DMXL1: variants seen among roughly 807,000 people sequenced by gnomAD.
DMXL1 encodes the protein dmX-like protein 1.
DMXL1 carries 99 observed loss-of-function variants against 319.2 expected under a neutral mutation model. The ratio of observed to expected loss-of-function variants is 0.31; its 90% confidence interval spans 0.26 to 0.37. The LOEUF (loss-of-function observed/expected upper bound fraction) is 0.37, where lower values mean the gene tolerates loss of function less well. DMXL1 is among the 10% of genes least tolerant of loss of function. The pLI, the probability that DMXL1 is intolerant of heterozygous loss-of-function variation, is 1.00. For missense variants in DMXL1, 3,745 were observed against 3,595.6 expected (o/e 1.04, Z -1.06); for synonymous variants, 1,385 against 1,235.2 (o/e 1.12, Z -2.54).
At chr5:119,202,887 A>ATATATATATATTTATATATATATATATT (rs1157206918) in intron 32 of DMXL1, among the ~76,000 whole-genome samples, 1 of 111,634 alleles carries the variant, frequency 9.0e-6, no homozygotes, top group African/African-American at 3.5e-5. Context: ...ATATATTTTT[A>ATATATATATATTTATATATATATATATT]TATATATATA....
At chr5:119,074,622 A>G (rs1750400024) in intron 1 of DMXL1, among the ~76,000 whole-genome samples, 1 of 152,242 alleles carries the variant, frequency 6.6e-6, no homozygotes, top group Admixed American at 6.5e-5. Context: ...TAAGTATTAG[A>G]TACTTTTTTA....
intron 42 of DMXL1, among the ~76,000 whole-genome samples, chr5:119,241,620 A>G (rs957942275): frequency 1.3e-5 from 2 of 152,028 alleles, no homozygotes; most frequent in Admixed American, 1.3e-4. Context: ...GTGCATATCA[A>G]GCAATTCAAC....
At chr5:119,220,379 G>T (rs1784450226) in intron 35 of DMXL1, 93 bp from the exon 36 acceptor site, 4 of 1,133,810 alleles carry the variant, frequency 3.5e-6, no homozygotes, top group Non-Finnish European at 5.1e-6. Context: ...ATCACTGCTA[G>T]AGGTTATTTC....
At chr5:119,218,617 C>G (rs1336873886) in intron 35 of DMXL1, among the ~76,000 whole-genome samples, 2 of 151,980 alleles carry the variant, frequency 1.3e-5, no homozygotes, top group Non-Finnish European at 2.9e-5. Context: ...CCACTACACC[C>G]AGCTAATTTT....
chr5:119,130,691 G>A (rs986437670), intron 10 of DMXL1, among the ~76,000 whole-genome samples: 1 of 152,048 alleles, frequency 6.6e-6, no homozygotes, highest in East Asian at 1.9e-4. Context: ...TCATATCATT[G>A]TATTTAACGG....
chr5:119,150,077 A>G lies in DMXL1; in HGVS notation c.4250A>G (p.Asp1417Gly). The part of the protein sequence containing the change: ...PLYALLAADD[D>G]SCYSSLEKSS... ...TATGCCTTACTTGCAGCAGATGATG[A>G]TAGCTGTTACTCATCTTTGGAGAAA... Residue 1417 changes from aspartate (D) to glycine (G), a missense_variant, in exon 18 of 44, where the codon GAT (aspartate) becomes GGT (glycine). By Grantham distance (94) the Asp-to-Gly change is moderately conservative (BLOSUM62 -1). Around this residue, in one of 4 missense-constraint regions of DMXL1, gnomAD observed 2,096 missense variants for 1,985.4 expected, o/e 1.06. Transcript: ENST00000539542. 11 of 1,613,874 alleles carry G rather than the reference A, an allele frequency of 6.8e-6. No homozygotes were observed. Among genetic ancestry groups the G allele is most frequent in the Non-Finnish European group, 8.5e-6 (10 of 1,179,892 alleles).
Position 119,144,063 on chromosome 5 carries a change from A to C in DMXL1, c.2466+133A>C. 3 of 569,892 alleles carry C rather than the reference A, an allele frequency of 5.3e-6. No homozygotes were observed. The South Asian group carries it at 8.5e-5, about 16-fold the overall frequency. 35.3% of individuals were successfully genotyped at this position (569,892 alleles called of 1,614,324 possible). ...GTAGATTCAGTAATTAACTCATCAC[A>C]TAATAGATAACATATTATTGTATAT... On this transcript the variant is annotated intron_variant, in intron 14 of 43. Coordinates refer to ENST00000539542, the MANE Select transcript of DMXL1 (RefSeq NM_001290321.3).
At chr5:119,135,524 T>C (rs1399980845) in intron 13 of DMXL1, among the ~76,000 whole-genome samples, 1 of 152,196 alleles carries the variant, frequency 6.6e-6, no homozygotes, top group East Asian at 1.9e-4. Flanking sequence ...ATGTTTGGTA[T>C]GTGATAAGGT....
intron 2 of DMXL1, 100 bp downstream of exon 2, chr5:119,098,204 T>G: frequency 7.2e-7 from 1 of 1,391,148 alleles, no homozygotes; most frequent in East Asian, 2.5e-5. Context: ...AGACTTGGCT[T>G]TGTTTCAAAG....
chr5:119,237,931 A>G (rs1788057430), intron 40 of DMXL1, among the ~76,000 whole-genome samples: 1 of 152,064 alleles, frequency 6.6e-6, no homozygotes, highest in African/African-American at 2.4e-5. Context: ...GAAGCTCTTT[A>G]TAGGACTAAG....
chr5:119,094,871 A>AT (rs1487047745), intron 1 of DMXL1, among the ~76,000 whole-genome samples: 11 of 140,336 alleles, frequency 7.8e-5, no homozygotes, highest in African/African-American at 2.9e-4. Flanking sequence ...TTTTTTTTTA[A>AT]TTTTTTATTT....
At chr5:119,090,499 G>T (rs1754515884) in intron 1 of DMXL1, among the ~76,000 whole-genome samples, 1 of 148,386 alleles carries the variant, frequency 6.7e-6, no homozygotes, top group Non-Finnish European at 1.5e-5. Context: ...CATTTTTGAG[G>T]TAATTTTTTG....
chr5:119,076,287 C>T (rs751350203), intron 1 of DMXL1, among the ~76,000 whole-genome samples: 22 of 152,084 alleles, frequency 1.4e-4, no homozygotes, highest in Non-Finnish European at 2.8e-4. Flanking sequence ...AATAAGTAGT[C>T]GTCTTCAGCT....
chr5:119,208,766 G>A (rs1265348286), intron 34 of DMXL1, among the ~76,000 whole-genome samples: 1 of 151,960 alleles, frequency 6.6e-6, no homozygotes, highest in Non-Finnish European at 1.5e-5. Flanking sequence ...GTTCAATTTT[G>A]GCATGTATAT....
intron 34 of DMXL1, among the ~76,000 whole-genome samples, chr5:119,211,485 A>G (rs1409457185): frequency 2.6e-5 from 4 of 152,156 alleles, no homozygotes; most frequent in South Asian, 4.1e-4. Flanking sequence ...TATGTTGTCA[A>G]ACTTACTGGC....
chr5:119,144,740 A>C lies in DMXL1; in HGVS notation c.2569+102A>C, dbSNP rs904501669. The C allele has an allele frequency of 4.5e-6, 3 of 661,090 alleles. No homozygotes were observed. The East Asian group carries it at 9.0e-5, about 20-fold the overall frequency. The allele number at this position is 661,090 out of a possible 1,614,324, so 41.0% of individuals were successfully genotyped here. ...ATGCTTTACATTGTCTATTTGAAGTAAAAATTGGGGTAGGTTTGTTTATTA... is the reference window on the plus strand; with the variant it reads ...ATGCTTTACATTGTCTATTTGAAGTCAAAATTGGGGTAGGTTTGTTTATTA... On this transcript the variant is annotated intron_variant, in intron 15 of 43. Coordinates refer to ENST00000539542, the MANE Select transcript of DMXL1 (RefSeq NM_001290321.3).
intron 13 of DMXL1, among the ~76,000 whole-genome samples, chr5:119,134,591 G>C (rs1765592056): frequency 6.6e-6 from 1 of 152,142 alleles, no homozygotes; most frequent in Non-Finnish European, 1.5e-5. Flanking sequence ...TTGAAAGAAA[G>C]TAGAGTCTCA....
At position 119,209,521 on chromosome 5, in the gene DMXL1, T is replaced by C. The variant is rs368590171; in HGVS notation, c.7926+2625T>C. Among the ~76,000 whole-genome samples, 36 of 152,048 alleles carry C rather than the reference T, an allele frequency of 2.4e-4. 1 individual carries two copies. Among genetic ancestry groups the C allele is most frequent in the African/African-American group, 8.7e-4 (36 of 41,484 alleles). The stretch of plus-strand genomic sequence containing the variant: ...TGCATCACCATGCCCAGCTCAATTT[T>C]ATTTTTTGTAGAGATGGGGTTTCTC... On this transcript the variant is annotated intron_variant, in intron 34 of 43. Coordinates refer to ENST00000539542, the MANE Select transcript of DMXL1 (RefSeq NM_001290321.3).
chr5:119,158,145 GC>G (rs1169506523), intron 19 of DMXL1, among the ~76,000 whole-genome samples: 4 of 150,682 alleles, frequency 2.7e-5, no homozygotes, highest in Admixed American at 1.3e-4. Context: ...TCCCACCCTG[GC>G]CTCCCAAAGT....
Sources: gnomAD v4.1 joint callset for allele counts (sites outside exome capture counted in the v4.1 genomes callset) on GRCh38, gnomAD v4.1.1 for gene constraint, gnomAD v4.1.1 regional missense constraint, MANE v1.5 for transcripts, NCBI Gene and HGNC (gene_info 2026-07-23, HGNC 2026-07-21) for gene names.